RNF175: variants seen among roughly 807,000 people sequenced by gnomAD.
RNF175 encodes ring finger protein 175.
Under a neutral mutation model 50.0 loss-of-function variants are expected in RNF175, and 38 were observed. That is an observed-to-expected ratio of 0.76 (90% CI 0.59 to 1.00). The LOEUF is 1.00. Ranked by LOEUF, RNF175 falls within the 50% of genes least tolerant of loss-of-function variation. The pLI is 0.00. For synonymous variants in RNF175, 155 were observed against 146.1 expected, an observed-to-expected ratio of 1.06 and a Z score of -0.44; for missense variants, 388 against 409.6, an observed-to-expected ratio of 0.95 and a Z score of 0.46.
chr4:153,713,661 G>A (rs927554442), intron 7 of RNF175: 2 of 152,168 alleles, frequency 1.3e-5, no homozygotes, highest in Admixed American at 1.3e-4. Context: ...GCAAGTCAAG[G>A]CCATGTATAT....
intron 3 of RNF175, among the ~76,000 whole-genome samples, chr4:153,733,978 T>A (rs1173924560): frequency 6.6e-6 from 1 of 152,240 alleles, no homozygotes; most frequent in African/African-American, 2.4e-5. Context: ...TTCACATTGG[T>A]TTGTTTCACT....
At chr4:153,746,954 G>A (rs1471770759) in intron 3 of RNF175, among the ~76,000 whole-genome samples, 3 of 152,226 alleles carry the variant, frequency 2.0e-5, no homozygotes, top group Non-Finnish European at 4.4e-5. Context: ...TGGGCTCCCT[G>A]GAGCCACAGC....
chr4:153,753,153 C>A (rs948746540), intron 1 of RNF175, among the ~76,000 whole-genome samples: 3 of 152,194 alleles, frequency 2.0e-5, no homozygotes, highest in African/African-American at 7.2e-5. Context: ...GCAAAAGACA[C>A]CGAAGCCCAC....
At chr4:153,722,695 G>C (rs544239223) in intron 5 of RNF175, among the ~76,000 whole-genome samples, 1 of 151,954 alleles carries the variant, frequency 6.6e-6, no homozygotes, top group South Asian at 2.1e-4. Context: ...AAATTCAAGA[G>C]AGAAGTGCTG....
At chr4:153,744,133 C>A (rs1227386295) in intron 3 of RNF175, among the ~76,000 whole-genome samples, 1 of 152,138 alleles carries the variant, frequency 6.6e-6, no homozygotes, top group Admixed American at 6.5e-5. Context: ...CAAAAATCAT[C>A]AAATCTGGCC....
At chr4:153,713,787 T>G (rs1737741574) in intron 7 of RNF175, 1 of 152,198 alleles carries the variant, frequency 6.6e-6, no homozygotes. Flanking sequence ...TAACGAAGAT[T>G]TTGAACCAAA....
At chr4:153,759,059 G>T (rs1740694324) in intron 1 of RNF175, among the ~76,000 whole-genome samples, 1 of 152,092 alleles carries the variant, frequency 6.6e-6, no homozygotes, top group South Asian at 2.1e-4. Context: ...TTTTGTCCTC[G>T]TTTTACGGAT....
chr4:153,728,837 C>T (rs1472693554), intron 3 of RNF175, among the ~76,000 whole-genome samples: 1 of 152,184 alleles, frequency 6.6e-6, no homozygotes, highest in Non-Finnish European at 1.5e-5. Flanking sequence ...ACGAAAGTGA[C>T]AGCAATGTCA....
intron 4 of RNF175, 128 bp downstream of exon 4, chr4:153,728,079 C>A: frequency 1.8e-6 from 1 of 548,458 alleles, no homozygotes; most frequent in Non-Finnish European, 3.0e-6. Context: ...GTTTTGCTAC[C>A]AAAGGTAAAA....
chr4:153,723,377 T>G lies in RNF175; in HGVS notation c.483A>C (p.Thr161=), dbSNP rs774574873. 5.4e-5 allele frequency: 86 copies of G among 1,592,084 alleles called. 3 individuals carry two copies. The South Asian group carries it at 8.4e-4, about 16-fold the overall frequency. ...TGAAAAACAGATTGAATCCACACAT[T>G]GTAAACATGATCGCCAAGTAACCCA... ...GVVGYLAIMF[T]MCGFNLFFKI... The change falls in exon 5 of 9, where the codon ACA becomes ACC. Residue 161 remains threonine, a synonymous_variant. Coordinates refer to ENST00000347063, the MANE Select transcript of RNF175 (RefSeq NM_173662.4).
At position 153,731,421 on chromosome 4, in the gene RNF175, C is replaced by T. The variant is rs547073015; in HGVS notation, c.247-3060G>A. 7.9e-5 allele frequency among the ~76,000 whole-genome samples: 12 copies of T among 152,280 alleles called. No individual in the cohort carries two copies. The South Asian group carries it at 1.2e-3, about 16-fold the overall frequency. On this transcript the variant is annotated intron_variant, in intron 3 of 8. Coordinates refer to ENST00000347063, the MANE Select transcript of RNF175 (RefSeq NM_173662.4). ...TAAAACACATCTGCACTACTGGCAA[C>T]GGGTGGCTCATGCATCTGGATCACA...
At chr4:153,726,763 G>A (rs774967109) in intron 4 of RNF175, among the ~76,000 whole-genome samples, 15 of 152,202 alleles carry the variant, frequency 9.9e-5, no homozygotes, top group Non-Finnish European at 2.1e-4. Flanking sequence ...TCTTCTAGAA[G>A]AGGCCCTACT....
chr4:153,735,955 A>T lies in RNF175; in HGVS notation c.247-7594T>A, dbSNP rs187914042. On this transcript the variant is annotated intron_variant, in intron 3 of 8. Transcript: ENST00000347063. ...GTTTTAATTTTTCTTTCTAATCTGC[A>T]TACCTTTTATTTCCTATCTTGCTGC... is the stretch of plus-strand genomic sequence containing the variant. 1.2e-4 allele frequency among the ~76,000 whole-genome samples: 18 copies of T among 152,294 alleles called. 1 individual carries two copies. In the East Asian group the frequency reaches 3.5e-3, roughly 29 times the overall value.
chr4:153,713,427 T>G (rs891028525), intron 7 of RNF175: 1 of 152,248 alleles, frequency 6.6e-6, no homozygotes, highest in African/African-American at 2.4e-5. Flanking sequence ...AAACTGATTA[T>G]TTTTGGGAAT....
intron 3 of RNF175, among the ~76,000 whole-genome samples, chr4:153,739,819 A>T (rs1460902524): frequency 6.6e-6 from 1 of 152,098 alleles, no homozygotes; most frequent in Admixed American, 6.5e-5. Context: ...ATACCCAGGT[A>T]TAGATTTCTT....
At chr4:153,730,445 G>A (rs1579063926) in intron 3 of RNF175, among the ~76,000 whole-genome samples, 1 of 151,978 alleles carries the variant, frequency 6.6e-6, no homozygotes, top group East Asian at 1.9e-4. Context: ...AAAAAAGTGG[G>A]TAGCACCTTA....
chr4:153,747,801 C>T (rs892741100), intron 3 of RNF175, among the ~76,000 whole-genome samples: 1 of 152,242 alleles, frequency 6.6e-6, no homozygotes, highest in East Asian at 1.9e-4. Flanking sequence ...TAGTAACAGA[C>T]CCACTTCTTC....
chr4:153,736,867 C>CT (rs776179257), intron 3 of RNF175, among the ~76,000 whole-genome samples: 5 of 151,926 alleles, frequency 3.3e-5, no homozygotes, highest in Non-Finnish European at 7.4e-5. Flanking sequence ...TTTCTTTTCT[C>CT]TTTTTTCAGG....
intron 4 of RNF175, among the ~76,000 whole-genome samples, chr4:153,726,075 G>A (rs1579055520): frequency 1.5e-5 from 1 of 66,782 alleles, no homozygotes; most frequent in East Asian, 5.9e-4. Flanking sequence ...GTGTGTGTAT[G>A]TGTGTGTGTG....
Sources: allele counts gnomAD v4.1 joint callset (sites outside exome capture counted in the v4.1 genomes callset), GRCh38; gene constraint gnomAD v4.1.1; transcripts MANE v1.5; gene names NCBI Gene and HGNC (gene_info 2026-07-23, HGNC 2026-07-21).